UGGT1: variants seen among roughly 807,000 people sequenced by gnomAD.
The protein encoded by UGGT1 is UDP-glucose glycoprotein glucosyltransferase 1.
In UGGT1, 107 loss-of-function variants were observed where a neutral mutation model predicts 203.9. The observed-to-expected ratio is 0.52, with a 90% confidence interval of 0.45 to 0.62. The LOEUF (loss-of-function observed/expected upper bound fraction) is 0.62. UGGT1 is among the 20% of genes least tolerant of loss of function. UGGT1 has a pLI of 0.00. For missense variants in UGGT1, 1,673 were observed against 1,867.2 expected, an observed-to-expected ratio of 0.90 and a Z score of 1.92; for synonymous variants, 628 against 653.5, an observed-to-expected ratio of 0.96 and a Z score of 0.59.
chr2:128,117,607 G>A (rs1455390086), intron 8 of UGGT1, among the ~76,000 whole-genome samples: 2 of 142,260 alleles, frequency 1.4e-5, no homozygotes, highest in East Asian at 2.1e-4. Context: ...GCAGTGCCAC[G>A]ATCTTGGCTC....
At position 128,190,409 on chromosome 2, in the gene UGGT1, G is replaced by A. The variant is rs1314644253; in HGVS notation, c.*667G>A. ...GAAAATGTCAGGAGTAGGAAGGTTC[G>A]GGGGTTAAGGGAAGGGAAGGAAGAC... On this transcript the variant is annotated 3_prime_UTR_variant, in exon 41 of 41. Coordinates refer to ENST00000259253, the MANE Select transcript of UGGT1 (RefSeq NM_020120.4). 3 of 152,268 alleles carry A rather than the reference G, an allele frequency of 2.0e-5. No individual in the cohort carries two copies. The highest frequency in any genetic ancestry group is 3.9e-4 in the East Asian group (2 of 5,180). The allele number at this position is 152,268 out of a possible 1,614,324, so 9.4% of individuals were successfully genotyped here.
At chr2:128,137,054 CT>C (rs900742292) in intron 15 of UGGT1, among the ~76,000 whole-genome samples, 3 of 152,038 alleles carry the variant, frequency 2.0e-5, no homozygotes, top group East Asian at 3.9e-4. Context: ...CTTTTTTCTT[CT>C]TTTTTTCCCC....
chr2:128,124,015 A>G (rs2105399281), intron 11 of UGGT1, among the ~76,000 whole-genome samples: 1 of 152,176 alleles, frequency 6.6e-6, no homozygotes, highest in Admixed American at 6.5e-5. Context: ...GCGTGATCTC[A>G]GCTCACTGCA....
At chr2:128,101,290 T>C (rs1207722021) in intron 2 of UGGT1, among the ~76,000 whole-genome samples, 1 of 152,172 alleles carries the variant, frequency 6.6e-6, no homozygotes, top group Non-Finnish European at 1.5e-5. Context: ...GTCAAAATAT[T>C]TTACTACACT....
chr2:128,150,455 T>C (rs1188951208), intron 18 of UGGT1, among the ~76,000 whole-genome samples: 1 of 152,140 alleles, frequency 6.6e-6, no homozygotes, highest in Non-Finnish European at 1.5e-5. Flanking sequence ...AGATATGCTA[T>C]GCCAGTGGTA....
chr2:128,094,753 T>TGAGA (rs1477540736), intron 1 of UGGT1, among the ~76,000 whole-genome samples: 1 of 139,088 alleles, frequency 7.2e-6, no homozygotes, highest in South Asian at 2.4e-4. Context: ...TTTTTTTTTT[T>TGAGA]TTTTTTTTTT....
chr2:128,175,437 C>T (rs1187076409), intron 31 of UGGT1, among the ~76,000 whole-genome samples: 3 of 152,196 alleles, frequency 2.0e-5, no homozygotes, highest in Non-Finnish European at 4.4e-5. Flanking sequence ...CTGCTTAACA[C>T]AATTTAAATT....
chr2:128,148,386 A>G (rs974120462), intron 18 of UGGT1, among the ~76,000 whole-genome samples: 5 of 152,088 alleles, frequency 3.3e-5, no homozygotes, highest in African/African-American at 4.8e-5. Context: ...CCCTGAACCA[A>G]TTCCTTAACA....
At chr2:128,102,303 C>T (rs991061651) in intron 2 of UGGT1, among the ~76,000 whole-genome samples, 2 of 152,048 alleles carry the variant, frequency 1.3e-5, no homozygotes, top group Non-Finnish European at 2.9e-5. Context: ...CCACCACCCT[C>T]GACTAATTTT....
At chr2:128,145,486 C>CTA (rs1392319973) in intron 17 of UGGT1, among the ~76,000 whole-genome samples, 3 of 124,246 alleles carry the variant, frequency 2.4e-5, no homozygotes, top group Non-Finnish European at 1.7e-5. Context: ...ACAGCCTGTG[C>CTA]TACACACACA....
chr2:128,141,404 C>A (rs1689416622), intron 16 of UGGT1, among the ~76,000 whole-genome samples: 1 of 151,948 alleles, frequency 6.6e-6, no homozygotes, highest in Admixed American at 6.6e-5. Flanking sequence ...GAGATCAAGA[C>A]CATCCTGGCT....
At chr2:128,177,953 G>A (rs1691479719) in intron 33 of UGGT1, 33 bp downstream of exon 33, 3 of 1,549,488 alleles carry the variant, frequency 1.9e-6, no homozygotes, top group Non-Finnish European at 2.6e-6. Flanking sequence ...ATGTTTTTAA[G>A]GAAAAACTGA....
intron 15 of UGGT1, among the ~76,000 whole-genome samples, chr2:128,135,573 C>T (rs1689095288): frequency 6.6e-6 from 1 of 152,010 alleles, no homozygotes. Context: ...GAAAATAACT[C>T]TTTATTCAAT....
intron 9 of UGGT1, among the ~76,000 whole-genome samples, chr2:128,120,924 T>G (rs900151363): frequency 6.6e-6 from 1 of 152,126 alleles, no homozygotes; most frequent in African/African-American, 2.4e-5. Flanking sequence ...GAAAAGGACT[T>G]GGGCCTGATT....
chr2:128,170,147 A>G (rs1324863167), intron 26 of UGGT1, 141 bp from the exon 27 acceptor site: 4 of 639,250 alleles, frequency 6.3e-6, no homozygotes, highest in East Asian at 2.8e-5. Flanking sequence ...ACAGAATCAT[A>G]TAGTTGGCCA....
chr2:128,152,658 T>C (rs536001964), intron 18 of UGGT1, 126 bp from the exon 19 acceptor site: 5 of 1,301,772 alleles, frequency 3.8e-6, no homozygotes, highest in East Asian at 4.9e-5. Context: ...TAGTAACTTC[T>C]GTCTTAACTA....
chr2:128,128,237 C>G (rs1375419040), intron 12 of UGGT1, among the ~76,000 whole-genome samples: 1 of 151,766 alleles, frequency 6.6e-6, no homozygotes, highest in African/African-American at 2.4e-5. Flanking sequence ...ACAATTCAGA[C>G]TTTATTCATT....
chr2:128,186,786 A>G lies in UGGT1; in HGVS notation c.4463A>G (p.Lys1488Arg). 6.2e-7 allele frequency: 1 copy of G among 1,612,826 alleles called. No individual in the cohort carries two copies. The highest frequency in any genetic ancestry group is 8.5e-7 in the Non-Finnish European group (1 of 1,179,286). Reference protein sequence around the residue: ...WCDDASKKRAKTIDLCNNPMT... With the variant: ...WCDDASKKRARTIDLCNNPMT... Reference sequence around the variant, plus strand: ...GATGACGCCTCTAAGAAAAGGGCAAAAACCATTGATTTGGTAAGCCGTATG... The same window carrying G: ...GATGACGCCTCTAAGAAAAGGGCAAGAACCATTGATTTGGTAAGCCGTATG... The change falls in exon 39 of 41, where the codon AAA becomes AGA. Residue 1488 changes from lysine to arginine, a missense_variant. Around this residue, in one of 4 missense-constraint regions of UGGT1, gnomAD observed 513 missense variants for 684.1 expected, o/e 0.75. Coordinates refer to ENST00000259253, the MANE Select transcript of UGGT1 (RefSeq NM_020120.4).
Position 128,170,321 on chromosome 2 carries a change from A to T in UGGT1, c.2955A>T (p.Thr985=), listed in dbSNP as rs1461982855. The part of the protein sequence containing the change: ...AIKLRPKEGE[T]YFDVVAVVDP... ...AACTGAGGCCGAAGGAAGGGGAGAC[A>T]TACTTTGATGTTGTGGCTGTCGTTG... The change falls in exon 27 of 41, where the codon ACA becomes ACT. Residue 985 remains threonine, a synonymous_variant. Coordinates refer to ENST00000259253, the MANE Select transcript of UGGT1 (RefSeq NM_020120.4). 6.2e-7 allele frequency: 1 copy of T among 1,614,138 alleles called. No individual in the cohort carries two copies. The highest frequency in any genetic ancestry group is 1.3e-5 in the African/African-American group (1 of 74,958).
Sources: gnomAD v4.1 joint callset for allele counts (sites outside exome capture counted in the v4.1 genomes callset) on GRCh38, gnomAD v4.1.1 for gene constraint, gnomAD v4.1.1 regional missense constraint, MANE v1.5 for transcripts, NCBI Gene and HGNC (gene_info 2026-07-23, HGNC 2026-07-21) for gene names.